The following R3HCC1L variants were observed in gnomAD, a reference collection of about 807,000 sequenced individuals.
The protein encoded by R3HCC1L is coiled-coil domain-containing protein R3HCC1L.
A neutral mutation model predicts 59.9 loss-of-function variants in R3HCC1L; 51 were observed. That is an observed-to-expected ratio of 0.85 (90% CI 0.68 to 1.07). The LOEUF is 1.07. R3HCC1L is among the 50% of genes least tolerant of loss of function. The pLI is 0.00. For missense variants in R3HCC1L, 965 were observed against 933.0 expected (o/e 1.03, Z -0.45); for synonymous variants, 322 against 315.2 (o/e 1.02, Z -0.23).
intron 9 of R3HCC1L, among the ~76,000 whole-genome samples, chr10:98,236,898 A>C (rs1418836546): frequency 6.6e-6 from 1 of 152,256 alleles, no homozygotes. Context: ...TCATTGCCTT[A>C]GCCCACAATT....
At position 98,234,486 on chromosome 10, in the gene R3HCC1L, G is replaced by A; in HGVS notation, c.2002G>A (p.Ala668Thr). 1 of 1,613,436 alleles carries A rather than the reference G, an allele frequency of 6.2e-7. No homozygotes were observed. Among genetic ancestry groups the A allele is most frequent in the Non-Finnish European group, 8.5e-7 (1 of 1,179,664 alleles). ...TATTAAATGGGTGGATGATACACAT[G>A]CCCTAGGAGTATTCTCCAGTCCAAT... ...FDIKWVDDTH[A>T]LGVFSSPITA... The change falls in exon 7 of 10, where the codon GCC (alanine) becomes ACC (threonine). Residue 668 changes from alanine (A) to threonine (T), a missense_variant. Transcript: ENST00000298999.
At chr10:98,202,989 C>T (rs1185396283) in intron 4 of R3HCC1L, among the ~76,000 whole-genome samples, 2 of 152,136 alleles carry the variant, frequency 1.3e-5, no homozygotes, top group Non-Finnish European at 2.9e-5. Flanking sequence ...AAGGCACTAC[C>T]TGACCCTAAC....
intron 4 of R3HCC1L, among the ~76,000 whole-genome samples, chr10:98,191,459 GA>G (rs1305582942): frequency 1.4e-4 from 17 of 125,402 alleles, no homozygotes; most frequent in African/African-American, 4.9e-4. Flanking sequence ...CTTCTTTTGA[GA>G]AGTGTCTGTT....
At chr10:98,213,043 C>T (rs1419007237) in intron 5 of R3HCC1L, among the ~76,000 whole-genome samples, 1 of 152,124 alleles carries the variant, frequency 6.6e-6, no homozygotes, top group Non-Finnish European at 1.5e-5. Flanking sequence ...CATTGTTATA[C>T]TGTCTCTGTC....
chr10:98,165,792 A>G (rs746664359), intron 4 of R3HCC1L, among the ~76,000 whole-genome samples: 11 of 152,214 alleles, frequency 7.2e-5, no homozygotes, highest in South Asian at 2.1e-4. Context: ...CTGGTCCCCA[A>G]TGTGATGGTG....
chr10:98,243,421 C>A (rs1408035497), intron 9 of R3HCC1L, among the ~76,000 whole-genome samples: 1 of 152,098 alleles, frequency 6.6e-6, no homozygotes, highest in East Asian at 1.9e-4. Flanking sequence ...TTTCTCAGAC[C>A]TTGGTGAAAG....
rs1251579693 is a variant in R3HCC1L at position 98,209,704 on chromosome 10, A to G, written c.1590A>G (p.Thr530=). ...HELRTAEEFK[T]EEQDDSGSIE... is the part of the protein sequence containing the mutation. ...TAAGAACTGCCGAAGAGTTCAAAAC[A>G]GAAGAGCAAGATGACTCAGGGAGTA... is the stretch of plus-strand genomic sequence containing the variant. The change falls in exon 5 of 10, where the codon ACA becomes ACG. Residue 530 remains threonine (T), a synonymous_variant. Coordinates refer to ENST00000298999, the MANE Select transcript of R3HCC1L (RefSeq NM_001351015.2). 6.8e-6 allele frequency: 11 copies of G among 1,613,932 alleles called. No homozygotes were observed. The highest frequency in any genetic ancestry group is 8.5e-6 in the Non-Finnish European group (10 of 1,179,928).
intron 4 of R3HCC1L, among the ~76,000 whole-genome samples, chr10:98,191,956 C>T (rs1850903468): frequency 6.6e-6 from 1 of 152,084 alleles, no homozygotes; most frequent in South Asian, 2.1e-4. Context: ...TTCCAAGTAG[C>T]TGGGATTACA....
At chr10:98,191,932 C>A (rs1391581162) in intron 4 of R3HCC1L, among the ~76,000 whole-genome samples, 1 of 152,140 alleles carries the variant, frequency 6.6e-6, no homozygotes, top group East Asian at 1.9e-4. Context: ...TCAAGCAATT[C>A]TTCTACTTCA....
intron 4 of R3HCC1L, among the ~76,000 whole-genome samples, chr10:98,165,611 T>C (rs1847869595): frequency 6.6e-6 from 1 of 152,216 alleles, no homozygotes. Context: ...CTGGATATTA[T>C]TTGGATTGTG....
intron 1 of R3HCC1L, among the ~76,000 whole-genome samples, chr10:98,138,881 G>A (rs1357166186): frequency 3.9e-5 from 6 of 152,194 alleles, no homozygotes; most frequent in Non-Finnish European, 8.8e-5. Flanking sequence ...TGGTTGAGAA[G>A]ATTAAAGATT....
rs531515395 is a variant in R3HCC1L at position 98,225,400 on chromosome 10, G to T, written c.1786-6112G>T. Among the ~76,000 whole-genome samples the T allele has an allele frequency of 2.6e-5, 4 of 152,094 alleles. No individual in the cohort carries two copies. The South Asian group carries it at 8.3e-4, about 32-fold the overall frequency. On this transcript the variant is annotated intron_variant, in intron 5 of 9. Transcript: ENST00000298999. The stretch of plus-strand genomic sequence containing the variant: ...TGCCACAAATCCTCTCCTTCTTTCT[G>T]TCAAGTTCTCTTGCATGTTTTGCTG...
intron 6 of R3HCC1L, among the ~76,000 whole-genome samples, chr10:98,232,692 G>T (rs112209953): frequency 3.6e-4 from 55 of 152,308 alleles, no homozygotes; most frequent in African/African-American, 1.3e-3. Context: ...AATTCACCTT[G>T]AATGTGTAAG....
intron 4 of R3HCC1L, among the ~76,000 whole-genome samples, chr10:98,176,612 T>C (rs1396787545): frequency 6.6e-6 from 1 of 152,184 alleles, no homozygotes; most frequent in Non-Finnish European, 1.5e-5. Context: ...TTAGAGATTC[T>C]ATGGGATTTC....
intron 1 of R3HCC1L, among the ~76,000 whole-genome samples, chr10:98,151,628 C>G (rs1846168081): frequency 6.6e-6 from 1 of 152,016 alleles, no homozygotes; most frequent in Admixed American, 6.6e-5. Flanking sequence ...ATAGATGAGA[C>G]ATAGAGATAT....
intron 9 of R3HCC1L, among the ~76,000 whole-genome samples, chr10:98,242,396 A>AAT (rs993192157): frequency 1.1e-4 from 17 of 152,208 alleles, no homozygotes; most frequent in African/African-American, 4.1e-4. Flanking sequence ...TTAGAAAGGT[A>AAT]ATATGGTATC....
intron 4 of R3HCC1L, among the ~76,000 whole-genome samples, chr10:98,192,115 G>A (rs189725150): frequency 6.6e-6 from 1 of 152,110 alleles, no homozygotes; most frequent in African/African-American, 2.4e-5. Context: ...GTGAGCCACT[G>A]TACCCAGCCT....
At chr10:98,187,812 C>G (rs61875280) in intron 4 of R3HCC1L, among the ~76,000 whole-genome samples, 1 of 147,604 alleles carries the variant, frequency 6.8e-6, no homozygotes, top group Non-Finnish European at 1.5e-5. Context: ...TCTTAGTTCA[C>G]TGTAACCTCA....
At chr10:98,221,694 T>C (rs996165231) in intron 5 of R3HCC1L, among the ~76,000 whole-genome samples, 7 of 152,100 alleles carry the variant, frequency 4.6e-5, no homozygotes, top group African/African-American at 1.4e-4. Context: ...GTTGTAGATA[T>C]GCAGCGTTAT....
Sources: allele counts gnomAD v4.1 joint callset (sites outside exome capture counted in the v4.1 genomes callset), GRCh38; gene constraint gnomAD v4.1.1; transcripts MANE v1.5; gene names NCBI Gene and HGNC (gene_info 2026-07-23, HGNC 2026-07-21).